RUNX2: variants seen among roughly 807,000 people sequenced by gnomAD.
RUNX2 encodes RUNX family transcription factor 2, also known as runt-related transcription factor 2.
RUNX2 carries 10 observed loss-of-function variants against 51.7 expected under a neutral mutation model. The observed-to-expected ratio is 0.19, with a 90% CI of 0.12 to 0.33. The LOEUF (loss-of-function observed/expected upper bound fraction) is 0.33, where lower values mean the gene tolerates loss of function less well. Ranked by LOEUF, RUNX2 falls within the 10% of genes least tolerant of loss-of-function variation. The probability of loss-of-function intolerance (pLI) is 1.00; values close to 1 mark genes in which losing one functional copy is unlikely to be tolerated. For synonymous variants in RUNX2, 276 were observed against 273.6 expected, an observed-to-expected ratio of 1.01 and a Z score of -0.09; for missense variants, 562 against 691.3, an observed-to-expected ratio of 0.81 and a Z score of 2.10.
intron 4 of RUNX2, among the ~76,000 whole-genome samples, chr6:45,433,549 A>C (rs1798601721): frequency 6.6e-6 from 1 of 152,016 alleles, no homozygotes; most frequent in South Asian, 2.1e-4. Context: ...TGCCATGCTT[A>C]ATTTTACATT....
chr6:45,508,262 CTT>C (rs1801037727), intron 6 of RUNX2, among the ~76,000 whole-genome samples: 1 of 83,610 alleles, frequency 1.2e-5, no homozygotes, highest in African/African-American at 4.5e-5. Context: ...CAGTTTTGCT[CTT>C]GTTGCCCGGG....
chr6:45,442,289 G>C (rs1235577022), intron 5 of RUNX2, among the ~76,000 whole-genome samples: 2 of 152,158 alleles, frequency 1.3e-5, no homozygotes, highest in African/African-American at 4.8e-5. Flanking sequence ...TGTAAGTCTT[G>C]TGTTTAGGCA....
At chr6:45,512,608 C>T (rs1801196725) in intron 7 of RUNX2, among the ~76,000 whole-genome samples, 1 of 152,104 alleles carries the variant, frequency 6.6e-6, no homozygotes, top group Non-Finnish European at 1.5e-5. Flanking sequence ...ACTGAAAATC[C>T]GCTAGAGATG....
chr6:45,474,224 A>C (rs552813390), intron 5 of RUNX2, among the ~76,000 whole-genome samples: 2 of 151,774 alleles, frequency 1.3e-5, no homozygotes, highest in East Asian at 1.9e-4. Flanking sequence ...AATTTGTCAC[A>C]GTGCTATTGT....
intron 2 of RUNX2, among the ~76,000 whole-genome samples, chr6:45,329,842 CTT>C (rs1218045236): frequency 6.6e-6 from 1 of 151,940 alleles, no homozygotes; most frequent in Non-Finnish European, 1.5e-5. Context: ...ACAAGATTCT[CTT>C]TATGATCTCC....
rs573769380 is a variant in RUNX2 at position 45,358,356 on chromosome 6, C to T, written c.58+29572C>T. Among the ~76,000 whole-genome samples the T allele has an allele frequency of 2.1e-3, 324 of 152,308 alleles. 1 individual carries two copies. The highest frequency in any genetic ancestry group is 7.5e-3 in the African/African-American group (310 of 41,578). ...TTATTTAATATACTCAATAGGTACACATGGCTAGTGGCTATCACACCGGAT... is the reference window on the plus strand; with the variant it reads ...TTATTTAATATACTCAATAGGTACATATGGCTAGTGGCTATCACACCGGAT... On this transcript the variant is annotated intron_variant, in intron 2 of 8. Transcript: ENST00000647337.
At chr6:45,478,043 ATCT>A (rs1466628835) in intron 5 of RUNX2, among the ~76,000 whole-genome samples, 1 of 151,846 alleles carries the variant, frequency 6.6e-6, no homozygotes, top group African/African-American at 2.4e-5. Flanking sequence ...TTGGAATGTT[ATCT>A]TCTTCTGCAT....
At chr6:45,487,814 AT>A in intron 5 of RUNX2, among the ~76,000 whole-genome samples, 1 of 152,350 alleles carries the variant, frequency 6.6e-6, no homozygotes, top group Admixed American at 6.5e-5. Flanking sequence ...CAGAGGGCTC[AT>A]TCTCATGAGA....
At chr6:45,377,318 A>T (rs1796934903) in intron 2 of RUNX2, 1 of 152,240 alleles carries the variant, frequency 6.6e-6, no homozygotes, top group Non-Finnish European at 1.5e-5. Context: ...CACCCCACAG[A>T]GAACACAGCG....
At chr6:45,388,026 A>T (rs528639238) in intron 2 of RUNX2, among the ~76,000 whole-genome samples, 14 of 152,176 alleles carry the variant, frequency 9.2e-5, no homozygotes, top group Non-Finnish European at 2.1e-4. Context: ...ATAGATGTTC[A>T]AGATCAAAAG....
intron 2 of RUNX2, among the ~76,000 whole-genome samples, chr6:45,384,253 G>T (rs1242020861): frequency 6.6e-6 from 1 of 151,926 alleles, no homozygotes; most frequent in Non-Finnish European, 1.5e-5. Context: ...TTCCAGGGGT[G>T]GGGGGAGTGG....
chr6:45,398,129 A>G (rs1797621070), intron 2 of RUNX2, among the ~76,000 whole-genome samples: 1 of 152,194 alleles, frequency 6.6e-6, no homozygotes, highest in Non-Finnish European at 1.5e-5. Flanking sequence ...GGTGTAAGCT[A>G]TAGATTCAGA....
chr6:45,537,600 T>G (rs1802078654), intron 7 of RUNX2, among the ~76,000 whole-genome samples: 1 of 152,210 alleles, frequency 6.6e-6, no homozygotes, highest in Non-Finnish European at 1.5e-5. Flanking sequence ...GGTTAGCCAC[T>G]CTTTCCTCTT....
intron 7 of RUNX2, among the ~76,000 whole-genome samples, chr6:45,515,060 C>G (rs1801277604): frequency 1.3e-5 from 2 of 152,046 alleles, no homozygotes; most frequent in Non-Finnish European, 2.9e-5. Flanking sequence ...ACGCGGACAG[C>G]TAAAAATACT....
chr6:45,397,514 A>G (rs1013888205), intron 2 of RUNX2, among the ~76,000 whole-genome samples: 1 of 152,180 alleles, frequency 6.6e-6, no homozygotes, highest in African/African-American at 2.4e-5. Flanking sequence ...TCTGTGTCAC[A>G]GCATCCTTGC....
chr6:45,502,342 G>T (rs149082748), intron 6 of RUNX2, among the ~76,000 whole-genome samples: 4 of 152,080 alleles, frequency 2.6e-5, no homozygotes, highest in Admixed American at 2.6e-4. Flanking sequence ...AATAGGGTTC[G>T]GTAATTTTCC....
intron 2 of RUNX2, among the ~76,000 whole-genome samples, chr6:45,386,150 C>T (rs1289566486): frequency 6.6e-6 from 1 of 151,602 alleles, no homozygotes; most frequent in African/African-American, 2.4e-5. Context: ...TCACTGCAAC[C>T]TCCGCCTCCC....
chr6:45,380,711 G>A (rs1797219818), intron 2 of RUNX2, among the ~76,000 whole-genome samples: 1 of 152,174 alleles, frequency 6.6e-6, no homozygotes, highest in Admixed American at 6.5e-5. Flanking sequence ...TGAGTAGCTG[G>A]GATTACAGGC....
chr6:45,380,950 A>G (rs557739509), intron 2 of RUNX2, among the ~76,000 whole-genome samples: 3 of 152,308 alleles, frequency 2.0e-5, no homozygotes, highest in East Asian at 3.9e-4. Context: ...TTTGAGATTC[A>G]TAACTCTTAC....
Sources: allele counts gnomAD v4.1 joint callset (sites outside exome capture counted in the v4.1 genomes callset), GRCh38; gene constraint gnomAD v4.1.1; transcripts MANE v1.5; gene names NCBI Gene and HGNC (gene_info 2026-07-23, HGNC 2026-07-21).